Variants in MAGI1 observed in about 807,000 individuals in gnomAD.
MAGI1 encodes membrane-associated guanylate kinase, WW and PDZ domain-containing protein 1.
A neutral mutation model predicts 139.9 loss-of-function variants in MAGI1; 58 were observed. That is an observed-to-expected ratio of 0.41 (90% CI 0.34 to 0.52). The LOEUF (loss-of-function observed/expected upper bound fraction) is 0.52, where lower values mean the gene tolerates loss of function less well. MAGI1 is among the 20% of genes least tolerant of loss of function. The pLI, the probability that MAGI1 is intolerant of heterozygous loss-of-function variation, is 0.12. For missense variants in MAGI1, 1,874 were observed against 1,901.6 expected (o/e 0.99, Z 0.27); for synonymous variants, 812 against 737.9 (o/e 1.10, Z -1.63).
chr3:65,466,599 G>A (rs1950189428), intron 5 of MAGI1, among the ~76,000 whole-genome samples: 1 of 152,148 alleles, frequency 6.6e-6, no homozygotes, highest in Admixed American at 6.5e-5. Context: ...CACAGGGAGA[G>A]GGTGGGCTCT....
At chr3:65,905,281 C>A (rs1034231086) in intron 1 of MAGI1, among the ~76,000 whole-genome samples, 9 of 152,050 alleles carry the variant, frequency 5.9e-5, no homozygotes, top group African/African-American at 2.2e-4. Context: ...AAATTAATGA[C>A]CAGAAAAAAC....
At chr3:65,802,684 C>A (rs1404175028) in intron 1 of MAGI1, among the ~76,000 whole-genome samples, 1 of 152,122 alleles carries the variant, frequency 6.6e-6, no homozygotes, top group Non-Finnish European at 1.5e-5. Flanking sequence ...GTACACAATA[C>A]CTGGCATAAA....
chr3:65,542,818 T>C (rs1229304506), intron 2 of MAGI1, among the ~76,000 whole-genome samples: 5 of 152,040 alleles, frequency 3.3e-5, no homozygotes, highest in African/African-American at 9.7e-5. Context: ...ACCTAGGCAA[T>C]ATCATTCAGG....
intron 1 of MAGI1, among the ~76,000 whole-genome samples, chr3:65,849,547 A>G (rs558967315): frequency 1.7e-4 from 26 of 151,390 alleles, no homozygotes; most frequent in African/African-American, 6.3e-4. Context: ...ATATACATAT[A>G]TACACATATA....
At chr3:65,817,552 A>G (rs907779000) in intron 1 of MAGI1, among the ~76,000 whole-genome samples, 4 of 152,224 alleles carry the variant, frequency 2.6e-5, no homozygotes, top group Non-Finnish European at 5.9e-5. Context: ...ATACTGATAT[A>G]CTTCTTGGTC....
chr3:65,635,720 A>T (rs936982435), intron 1 of MAGI1, among the ~76,000 whole-genome samples: 1 of 152,234 alleles, frequency 6.6e-6, no homozygotes, highest in Non-Finnish European at 1.5e-5. Flanking sequence ...TTGAACATCC[A>T]TAGTAATTAA....
At chr3:65,786,296 A>G (rs1352434621) in intron 1 of MAGI1, among the ~76,000 whole-genome samples, 1 of 118,636 alleles carries the variant, frequency 8.4e-6, no homozygotes, top group African/African-American at 3.3e-5. Flanking sequence ...ACTCTGAATT[A>G]CTTCCAGTTT....
chr3:65,672,334 A>G (rs2086911524), intron 1 of MAGI1, among the ~76,000 whole-genome samples: 1 of 152,238 alleles, frequency 6.6e-6, no homozygotes, highest in South Asian at 2.1e-4. Context: ...AGTACTTTAG[A>G]GAATTAGTCT....
chr3:65,399,780 T>C (rs1411104673), intron 13 of MAGI1, among the ~76,000 whole-genome samples: 1 of 152,210 alleles, frequency 6.6e-6, no homozygotes, highest in Admixed American at 6.5e-5. Context: ...GCCTTTGGGT[T>C]CACCAGGTAA....
intron 2 of MAGI1, among the ~76,000 whole-genome samples, chr3:65,528,540 T>A (rs1004800854): frequency 1.3e-5 from 2 of 152,194 alleles, no homozygotes; most frequent in Admixed American, 6.5e-5. Flanking sequence ...CACAGAACCA[T>A]CTGCATCTCA....
chr3:65,633,807 T>C (rs1446812988), intron 1 of MAGI1, among the ~76,000 whole-genome samples: 3 of 152,190 alleles, frequency 2.0e-5, no homozygotes, highest in African/African-American at 7.2e-5. Context: ...TAAAGTAATA[T>C]AGCTGATGTG....
chr3:65,998,058 G>A (rs1030873274), intron 1 of MAGI1, among the ~76,000 whole-genome samples: 5 of 150,566 alleles, frequency 3.3e-5, no homozygotes, highest in African/African-American at 1.2e-4. Context: ...AGCCAAGATT[G>A]CGCCATTGCA....
At chr3:65,602,419 G>A (rs990100480) in intron 2 of MAGI1, among the ~76,000 whole-genome samples, 2 of 152,168 alleles carry the variant, frequency 1.3e-5, no homozygotes, top group Non-Finnish European at 2.9e-5. Context: ...AAAACATCAC[G>A]CTGAGTAAAA....
chr3:65,649,447 C>T (rs1275359455), intron 1 of MAGI1, among the ~76,000 whole-genome samples: 1 of 152,136 alleles, frequency 6.6e-6, no homozygotes, highest in Non-Finnish European at 1.5e-5. Context: ...AAAGTTTTCT[C>T]ACACCATGAC....
At chr3:65,405,169 C>A (rs925869498) in intron 12 of MAGI1, among the ~76,000 whole-genome samples, 1 of 152,066 alleles carries the variant, frequency 6.6e-6, no homozygotes, top group Non-Finnish European at 1.5e-5. Context: ...TCTGCAGGAG[C>A]GAGAAAAGCT....
At chr3:65,528,259 A>G (rs1226895184) in intron 2 of MAGI1, among the ~76,000 whole-genome samples, 3 of 152,228 alleles carry the variant, frequency 2.0e-5, no homozygotes, top group Non-Finnish European at 4.4e-5. Flanking sequence ...TTGATATAAC[A>G]TTGCAAAATT....
chr3:65,877,427 C>G (rs1398025178), intron 1 of MAGI1, among the ~76,000 whole-genome samples: 1 of 152,112 alleles, frequency 6.6e-6, no homozygotes, highest in Non-Finnish European at 1.5e-5. Context: ...GAGCAGCTCT[C>G]AAACACCCAC....
At chr3:65,748,981 A>G (rs2035921637) in intron 1 of MAGI1, among the ~76,000 whole-genome samples, 1 of 152,202 alleles carries the variant, frequency 6.6e-6, no homozygotes, top group South Asian at 2.1e-4. Flanking sequence ...TCCAGATGGT[A>G]TCCTCAAACA....
At chr3:65,785,147 A>T (rs1276958919) in intron 1 of MAGI1, among the ~76,000 whole-genome samples, 2 of 152,244 alleles carry the variant, frequency 1.3e-5, no homozygotes, top group African/African-American at 4.8e-5. Context: ...TTAAAATGTG[A>T]TTTAACTTCT....
Sources: gnomAD v4.1 joint callset for allele counts (sites outside exome capture counted in the v4.1 genomes callset) on GRCh38, gnomAD v4.1.1 for gene constraint, MANE v1.5 for transcripts, NCBI Gene and HGNC (gene_info 2026-07-23, HGNC 2026-07-21) for gene names.